Variants in ANO10 observed in about 807,000 individuals in gnomAD.
ANO10 encodes anoctamin-10.
In ANO10, 77 loss-of-function variants were observed where a neutral mutation model predicts 74.7. The ratio of observed to expected loss-of-function variants is 1.03; its 90% CI spans 0.86 to 1.25. The LOEUF is 1.25. Ranked by LOEUF, ANO10 falls within the 50% of genes most tolerant of loss-of-function variation. The probability of loss-of-function intolerance (pLI) is 0.00; values close to 1 mark genes in which losing one functional copy is unlikely to be tolerated. For synonymous variants in ANO10, 279 were observed against 284.9 expected (o/e 0.98, Z 0.21); for missense variants, 721 against 778.1 (o/e 0.93, Z 0.87).
At chr3:43,653,049 A>G (rs2083806536) in intron 1 of ANO10, 1 of 151,426 alleles carries the variant, frequency 6.6e-6, no homozygotes, top group Non-Finnish European at 1.5e-5. Flanking sequence ...TACTAAAAAT[A>G]CAAAAAAAAA....
intron 11 of ANO10, among the ~76,000 whole-genome samples, chr3:43,515,408 C>G (rs1347953172): frequency 1.3e-5 from 2 of 152,160 alleles, no homozygotes; most frequent in Non-Finnish European, 2.9e-5. Flanking sequence ...ACATCATGGG[C>G]TCTCCTGGTT....
intron 10 of ANO10, among the ~76,000 whole-genome samples, chr3:43,553,911 G>A (rs1175976238): frequency 2.0e-5 from 3 of 152,116 alleles, no homozygotes; most frequent in African/African-American, 4.8e-5. Context: ...CACTCATTCA[G>A]TGAGCTTTTT....
In ANO10 at chr3:43,652,613, G is replaced by A. The variant is rs1347377442; in HGVS notation, c.-12+38904C>T. On this transcript the variant is annotated intron_variant, in intron 1 of 3. Coordinates refer to the ANO10 transcript ENST00000413397. Reference sequence around the variant, plus strand: ...ACTCCATAAATAAAACTAAACCACTGGATAGTACACCTTAAGTGGGTGGAT... The same window carrying A: ...ACTCCATAAATAAAACTAAACCACTAGATAGTACACCTTAAGTGGGTGGAT... 1.6e-4 allele frequency among the ~76,000 whole-genome samples: 24 copies of A among 152,126 alleles called. No individual in the cohort carries two copies. The South Asian group carries it at 4.6e-3, about 29-fold the overall frequency.
At chr3:43,426,283 T>C (rs1468077925) in intron 12 of ANO10, among the ~76,000 whole-genome samples, 2 of 152,244 alleles carry the variant, frequency 1.3e-5, no homozygotes, top group Non-Finnish European at 2.9e-5. Flanking sequence ...GTCACTCATA[T>C]TGGCTTAGAA....
At chr3:43,519,996 T>C (rs539633376) in intron 11 of ANO10, among the ~76,000 whole-genome samples, 4 of 152,252 alleles carry the variant, frequency 2.6e-5, no homozygotes, top group African/African-American at 7.2e-5. Flanking sequence ...GAGATGGCTA[T>C]CTATTCACCT....
At chr3:43,433,435 G>A (rs574477942) in intron 11 of ANO10, among the ~76,000 whole-genome samples, 2 of 152,108 alleles carry the variant, frequency 1.3e-5, no homozygotes, top group Non-Finnish European at 2.9e-5. Flanking sequence ...TTCAGTTTGA[G>A]TTACATGAAA....
chr3:43,536,553 T>C (rs1459753969), intron 11 of ANO10, among the ~76,000 whole-genome samples: 1 of 152,186 alleles, frequency 6.6e-6, no homozygotes, highest in Non-Finnish European at 1.5e-5. Flanking sequence ...TAATTTCCTC[T>C]CATCAGCAAA....
intron 1 of ANO10, among the ~76,000 whole-genome samples, chr3:43,608,518 G>A (rs764724457): frequency 6.6e-6 from 1 of 152,046 alleles, no homozygotes; most frequent in African/African-American, 2.4e-5. Flanking sequence ...TTTAGCCTTG[G>A]CCTCCCCAAA....
At chr3:43,474,543 A>C (rs1277335789) in intron 11 of ANO10, among the ~76,000 whole-genome samples, 1 of 152,242 alleles carries the variant, frequency 6.6e-6, no homozygotes, top group Non-Finnish European at 1.5e-5. Context: ...GTTGTCCATA[A>C]TAAATTTGTA....
intron 7 of ANO10, among the ~76,000 whole-genome samples, chr3:43,574,565 T>C (rs1575462826): frequency 1.3e-5 from 2 of 152,154 alleles, no homozygotes; most frequent in East Asian, 3.9e-4. Flanking sequence ...CTGGCCTAGT[T>C]TTTAAATAAC....
At chr3:43,574,998 T>C in intron 6 of ANO10, 134 bp from the exon 7 acceptor site, 3 of 735,218 alleles carry the variant, frequency 4.1e-6, no homozygotes, top group Non-Finnish European at 2.5e-6. Flanking sequence ...TACTAGGCTG[T>C]CAATCACAGC....
intron 12 of ANO10, among the ~76,000 whole-genome samples, chr3:43,393,862 C>G (rs537320688): frequency 1.3e-5 from 2 of 152,166 alleles, no homozygotes; most frequent in East Asian, 3.9e-4. Context: ...CTACCCCTAA[C>G]CCCTCCATTT....
chr3:43,403,729 GCTTAC>G (rs1325304478), intron 12 of ANO10, among the ~76,000 whole-genome samples: 2 of 152,232 alleles, frequency 1.3e-5, no homozygotes, highest in African/African-American at 4.8e-5. Context: ...GGCTTGGTCA[GCTTAC>G]CTATAAGCTT....
chr3:43,616,089 G>A (rs879805326), intron 1 of ANO10, among the ~76,000 whole-genome samples: 1 of 152,152 alleles, frequency 6.6e-6, no homozygotes, highest in African/African-American at 2.4e-5. Context: ...ATACTCAACA[G>A]TATGTGAAAT....
chr3:43,622,893 C>G (rs970469757), upstream of ANO10, among the ~76,000 whole-genome samples: 1 of 152,178 alleles, frequency 6.6e-6, no homozygotes, highest in African/African-American at 2.4e-5. Context: ...TGAGATAGAG[C>G]CTCGCAATGT....
intron 11 of ANO10, among the ~76,000 whole-genome samples, chr3:43,494,939 A>G (rs1038057723): frequency 6.6e-6 from 1 of 151,112 alleles, no homozygotes. Flanking sequence ...TAAAAAAAAT[A>G]AAAGAATTAT....
chr3:43,423,480 GAAACAGAAC>G (rs2092851416), intron 12 of ANO10, among the ~76,000 whole-genome samples: 1 of 152,138 alleles, frequency 6.6e-6, no homozygotes, highest in Non-Finnish European at 1.5e-5. Flanking sequence ...AAGGGAGACT[GAAACAGAAC>G]AAACTATAGT....
intron 1 of ANO10, among the ~76,000 whole-genome samples, chr3:43,627,919 G>GCAACA (rs2083507284): frequency 4.6e-5 from 7 of 151,852 alleles, no homozygotes; most frequent in Admixed American, 4.6e-4. Context: ...ACAGAGTGTT[G>GCAACA]CTCTGTCACC....
intron 4 of ANO10, among the ~76,000 whole-genome samples, chr3:43,594,037 G>A (rs1236894731): frequency 1.3e-5 from 2 of 152,142 alleles, no homozygotes; most frequent in Admixed American, 1.3e-4. Flanking sequence ...ATGGTAAAGG[G>A]ATCAATTCAA....
Sources: allele counts gnomAD v4.1 joint callset (sites outside exome capture counted in the v4.1 genomes callset), GRCh38; gene constraint gnomAD v4.1.1; transcripts MANE v1.5; gene names NCBI Gene and HGNC (gene_info 2026-07-23, HGNC 2026-07-21).